Variants in SASH1 observed in about 807,000 individuals in gnomAD.
SASH1 encodes SAM and SH3 domain containing 1.
In SASH1, 44 loss-of-function variants were observed where a neutral mutation model predicts 125.2. The ratio of observed to expected loss-of-function variants is 0.35; its 90% CI spans 0.28 to 0.45. The LOEUF is 0.45. SASH1 is among the 20% of genes least tolerant of loss of function. SASH1 has a pLI of 1.00. For synonymous variants in SASH1, 639 were observed against 649.1 expected (o/e 0.98, Z 0.24); for missense variants, 1,426 against 1,614.5 (o/e 0.88, Z 2.00).
At chr6:148,344,231 A>G (rs1781444214) in intron 1 of SASH1, among the ~76,000 whole-genome samples, 1 of 152,140 alleles carries the variant, frequency 6.6e-6, no homozygotes, top group Non-Finnish European at 1.5e-5. Flanking sequence ...AAGTCATTCA[A>G]CCTCTCTGAT....
the SASH1 span, among the ~76,000 whole-genome samples, chr6:148,237,787 T>TA: frequency 6.6e-6 from 1 of 152,232 alleles, no homozygotes; most frequent in South Asian, 2.1e-4. Context: ...CCCTGGACAG[T>TA]AAGCTAGCTT....
chr6:148,368,770 G>GCACGCGCACACACACACACACACACA (rs1554245333), intron 1 of SASH1, among the ~76,000 whole-genome samples: 84 of 135,722 alleles, frequency 6.2e-4, no homozygotes, highest in South Asian at 1.0e-3. Context: ...GCACGCGCGC[G>GCACGCGCACACACACACACACACACA]CACACACACA....
At position 148,395,982 on chromosome 6, in the gene SASH1, G is replaced by A. The variant is rs908719479; in HGVS notation, c.285+5720G>A. ...TTGTTGATGTGGCACGGAGCTGACA[G>A]AGAAGTCCCTACCCCCAGCAGCACT... On this transcript the variant is annotated intron_variant, in intron 2 of 19. Transcript: ENST00000367467. Among the ~76,000 whole-genome samples, 4 of 152,252 alleles carry A rather than the reference G, an allele frequency of 2.6e-5. No individual in the cohort carries two copies. The East Asian group carries it at 7.7e-4, about 29-fold the overall frequency.
chr6:148,340,761 C>T (rs1228586918), upstream of SASH1, among the ~76,000 whole-genome samples: 3 of 152,214 alleles, frequency 2.0e-5, no homozygotes, highest in Admixed American at 6.5e-5. Context: ...ACTCATAGTT[C>T]AGTGCTCTTT....
chr6:148,548,518 C>G lies in SASH1; in HGVS notation c.3704C>G (p.Ala1235Gly). ...ERHIRKLLSA[A>G]RLFKLPPGPE... Reference sequence around the variant, plus strand: ...CACATAAGAAAGCTCCTATCTGCAGCCAGACTCTTCAAACTGCCGCCAGGC... The same window carrying G: ...CACATAAGAAAGCTCCTATCTGCAGGCAGACTCTTCAAACTGCCGCCAGGC... The change falls in exon 20 of 20, where the codon GCC becomes GGC. Residue 1235 changes from alanine (A) to glycine (G), a missense_variant. Ala to Gly is a moderately conservative substitution (Grantham distance 60). This residue lies in a region of SASH1 where 634 missense variants were observed against 694.4 expected (regional missense o/e 0.91). Transcript: ENST00000367467. The G allele has an allele frequency of 6.2e-7, 1 of 1,613,012 alleles. No individual in the cohort carries two copies. The highest frequency in any genetic ancestry group is 8.5e-7 in the Non-Finnish European group (1 of 1,179,424).
intron 2 of SASH1, among the ~76,000 whole-genome samples, chr6:148,424,562 G>A (rs951786222): frequency 7.4e-4 from 112 of 152,116 alleles, no homozygotes; most frequent in African/African-American, 2.6e-3. Context: ...CTGGAGTGCC[G>A]TGGTGCAATC....
At chr6:148,520,189 T>C in intron 10 of SASH1, 1 of 353,146 alleles carries the variant, frequency 2.8e-6, no homozygotes, top group East Asian at 5.8e-5. Context: ...ACCTACGTGG[T>C]GGAGCGGAGC....
chr6:148,369,520 C>T (rs903847600), intron 1 of SASH1, among the ~76,000 whole-genome samples: 2 of 152,158 alleles, frequency 1.3e-5, no homozygotes, highest in African/African-American at 4.8e-5. Context: ...TGGATTATGT[C>T]TTTATTTGGC....
intron 2 of SASH1, among the ~76,000 whole-genome samples, chr6:148,395,324 C>T (rs146304625): frequency 1.2e-3 from 181 of 152,234 alleles, no homozygotes; most frequent in African/African-American, 3.8e-3. Flanking sequence ...GGAGAACAAA[C>T]GAAACAAAAG....
intron 1 of SASH1, among the ~76,000 whole-genome samples, chr6:148,317,742 A>G (rs1780519847): frequency 6.6e-6 from 1 of 151,538 alleles, no homozygotes; most frequent in Admixed American, 6.6e-5. Flanking sequence ...AAAATTTTTA[A>G]TGGGACTCCC....
chr6:148,406,766 A>C (rs569924193), intron 2 of SASH1, among the ~76,000 whole-genome samples: 1 of 150,680 alleles, frequency 6.6e-6, no homozygotes, highest in African/African-American at 2.5e-5. Context: ...AGCAGAGAGA[A>C]TCAGGCTCTC....
At chr6:148,547,195 C>T (rs558869138) in intron 19 of SASH1, among the ~76,000 whole-genome samples, 20 of 152,188 alleles carry the variant, frequency 1.3e-4, no homozygotes, top group Non-Finnish European at 2.6e-4. Flanking sequence ...TACTCTTGCA[C>T]TTGGGGGCCA....
chr6:148,487,527 T>A lies in SASH1; in HGVS notation c.628-87T>A. On this transcript the variant is annotated intron_variant, in intron 7 of 19. Transcript: ENST00000367467. ...CAAGATTATGAACCAGGAACCTAGA[T>A]GTATTATTTGAGTCATTTCCCTGTA... The A allele has an allele frequency of 4.4e-6, 4 of 905,824 alleles. No individual in the cohort carries two copies. The East Asian group carries it at 1.0e-4, about 23-fold the overall frequency. 56.1% of individuals were successfully genotyped at this position (905,824 alleles called of 1,614,324 possible). A position where few individuals can be genotyped will look rare whatever the true frequency, so the allele number is the denominator to read the frequency against.
At chr6:148,365,206 T>A (rs1782400034) in intron 1 of SASH1, among the ~76,000 whole-genome samples, 1 of 152,116 alleles carries the variant, frequency 6.6e-6, no homozygotes, top group East Asian at 1.9e-4. Context: ...TCAAGCTAGC[T>A]CCCAGCTGTC....
chr6:148,329,749 A>G (rs982152701), intron 1 of SASH1, among the ~76,000 whole-genome samples: 4 of 152,150 alleles, frequency 2.6e-5, no homozygotes, highest in African/African-American at 9.7e-5. Context: ...ATGACTTACT[A>G]TATTTGGTAA....
At chr6:148,246,867 C>T in the SASH1 span, among the ~76,000 whole-genome samples, 2 of 152,178 alleles carry the variant, frequency 1.3e-5, no homozygotes, top group Admixed American at 6.5e-5. Flanking sequence ...TTTTTGTTTC[C>T]ATTTACTGAT....
intron 1 of SASH1, among the ~76,000 whole-genome samples, chr6:148,378,147 G>A (rs971037637): frequency 6.6e-6 from 1 of 151,514 alleles, no homozygotes; most frequent in African/African-American, 2.4e-5. Flanking sequence ...AGCCTACCAG[G>A]TTCAAGAGAT....
At chr6:148,494,134 G>A (rs191935707) in intron 8 of SASH1, among the ~76,000 whole-genome samples, 2 of 152,268 alleles carry the variant, frequency 1.3e-5, no homozygotes, top group African/African-American at 2.4e-5. Flanking sequence ...AAGAGTTAGT[G>A]ATCTATACCT....
rs780563334 is a variant in SASH1, at chr6:148,525,363, A to C, written c.1282A>C (p.Met428Leu). 1.2e-6 allele frequency: 2 copies of C among 1,612,534 alleles called. No homozygotes were observed. Among genetic ancestry groups the C allele is most frequent in the African/African-American group, 2.7e-5 (2 of 74,916 alleles). Residue 428 changes from methionine (M) to leucine (L), a missense_variant and splice_region_variant, in exon 11 of 20, where the codon ATG becomes CTG. By Grantham distance (15) the Met-to-Leu change is conservative. Transcript: ENST00000367467. ...LHVGSNNSDP[M>L]GKEGDFVYKE... ...CGTTGGCAGTAATAATTCTGACCCA[A>C]TGGTGAGTAACATCAGAGGAAAGCA...
Sources: allele counts gnomAD v4.1 joint callset (sites outside exome capture counted in the v4.1 genomes callset), GRCh38; gene constraint gnomAD v4.1.1; regional missense constraint gnomAD v4.1.1; transcripts MANE v1.5; gene names NCBI Gene and HGNC (gene_info 2026-07-23, HGNC 2026-07-21).